MGAM2: variants seen among roughly 807,000 people sequenced by gnomAD.
MGAM2 encodes the protein probable maltase-glucoamylase 2.
A neutral mutation model predicts 96.1 loss-of-function variants in MGAM2; 98 were observed. That is an observed-to-expected ratio of 1.02 (90% CI 0.87 to 1.21). The LOEUF is 1.21. Among genes scored for constraint, MGAM2 ranks in the 50% most tolerant of loss-of-function variants. The pLI, the probability that MGAM2 is intolerant of heterozygous loss-of-function variation, is 0.00. For synonymous variants in MGAM2, 749 were observed against 414.8 expected (o/e 1.81, Z -9.79); for missense variants, 2,055 against 1,182.4 (o/e 1.74, Z -10.82).
chr7:142,172,707 G>T lies in MGAM2; in HGVS notation c.3504G>T (p.Leu1168Phe), dbSNP rs751060323. The T allele has an allele frequency of 1.4e-5, 10 of 704,674 alleles. No homozygotes were observed. Among genetic ancestry groups the T allele is most frequent in the Middle Eastern group, 2.3e-4 (1 of 4,390 alleles). 43.7% of individuals were successfully genotyped at this position (704,674 alleles called of 1,614,324 possible). Residue 1168 changes from leucine to phenylalanine, a missense_variant, in exon 30 of 48, where the codon TTG (leucine) becomes TTT (phenylalanine). Physicochemically the swap from Leu to Phe is conservative, Grantham distance 22. Coordinates refer to ENST00000477922, the MANE Select transcript of MGAM2 (RefSeq NM_001293626.2). Reference sequence around the variant, plus strand: ...CATACCGCACCACAGGAGGGATTTTGGACTTCTACATTGTTTTGGGGCCAA... The same window carrying T: ...CATACCGCACCACAGGAGGGATTTTTGACTTCTACATTGTTTTGGGGCCAA... ...ALTYRTTGGI[L>F]DFYIVLGPTP... is the part of the protein sequence containing the mutation.
intron 20 of MGAM2, among the ~76,000 whole-genome samples, chr7:142,159,604 A>G (rs947257166): frequency 2.0e-5 from 3 of 152,170 alleles, no homozygotes; most frequent in Admixed American, 2.0e-4. Context: ...GTGCTGGCAG[A>G]TTCCGTGTCT....
chr7:142,128,378 A>C (rs1794785930), intron 3 of MGAM2, among the ~76,000 whole-genome samples: 1 of 152,260 alleles, frequency 6.6e-6, no homozygotes, highest in South Asian at 2.1e-4. Context: ...TTTTCTGAGG[A>C]GAAATTCAAG....
In MGAM2 at chr7:142,143,824, G is replaced by A; in HGVS notation, c.1373G>A (p.Trp458Ter). 1 of 702,710 alleles carries A rather than the reference G, an allele frequency of 1.4e-6. No individual in the cohort carries two copies. Among genetic ancestry groups the A allele is most frequent in the Non-Finnish European group, 2.6e-6 (1 of 384,810 alleles). 43.5% of individuals were successfully genotyped at this position (702,710 alleles called of 1,614,324 possible). A position where few individuals can be genotyped will look rare whatever the true frequency, so the allele number is the denominator to read the frequency against. Reference protein sequence around the residue: ...PDYTNPVCTEWWTDQVAKFHD... With the variant: ...PDYTNPVCTE ...TATACCAATCCAGTATGCACTGAGTGGTGGACAGATCAGGTCGCTAAATTT... is the reference window on the plus strand; with the variant it reads ...TATACCAATCCAGTATGCACTGAGTAGTGGACAGATCAGGTCGCTAAATTT... The change falls in exon 13 of 48, where the codon TGG (tryptophan) becomes TAG (stop). Residue 458 changes from tryptophan to a stop codon, truncating the protein, a stop_gained. Coordinates refer to ENST00000477922, the MANE Select transcript of MGAM2 (RefSeq NM_001293626.2). LOFTEE classifies it high-confidence loss of function.
intron 14 of MGAM2, 73 bp from the exon 15 acceptor site, chr7:142,147,383 A>G (rs1795417889): frequency 1.6e-6 from 1 of 643,616 alleles, no homozygotes; most frequent in African/African-American, 1.8e-5. Context: ...AATCAGGAAG[A>G]AAATAGTTGG....
chr7:142,186,002 A>ACTTCTTT lies in MGAM2; in HGVS notation c.4002_4003insTTCTTTC (p.Val1335PhefsTer7). On this transcript the variant is annotated frameshift_variant, in exon 35 of 48. Coordinates refer to ENST00000477922, the MANE Select transcript of MGAM2 (RefSeq NM_001293626.2). LOFTEE classifies it high-confidence loss of function. Reference sequence around the variant, plus strand: ...TTATTCTTACAGCTTTACAGGGCCTACGTTGCCTTTCCTGACTTCTTTCGT... The same window carrying ACTTCTTT: ...TTATTCTTACAGCTTTACAGGGCCTACTTCTTTCGTTGCCTTTCCTGACTTCTTTCGT... The ACTTCTTT allele has an allele frequency of 1.4e-6, 1 of 703,474 alleles. No individual in the cohort carries two copies. The highest frequency in any genetic ancestry group is 2.6e-6 in the Non-Finnish European group (1 of 385,032). The allele number at this position is 703,474 out of a possible 1,614,324, so 43.6% of individuals were successfully genotyped here. A position where few individuals can be genotyped will look rare whatever the true frequency, so the allele number is the denominator to read the frequency against.
Position 142,201,071 on chromosome 7 carries a change from C to CTTTTTTTTTTTTTTTTTT in MGAM2, c.5137+1113_5137+1114insTTTTTTTTTTTTTTTTTT, listed in dbSNP as rs72092512. ...CATTGTTATAAATAACATCCTTTTT[C>CTTTTTTTTTTTTTTTTTT]TTTTTTTTTTCTTTTTTTTTTTTTT... is the stretch of plus-strand genomic sequence containing the variant. On this transcript the variant is annotated intron_variant, in intron 45 of 47. Coordinates refer to ENST00000477922, the MANE Select transcript of MGAM2 (RefSeq NM_001293626.2). 5.9e-5 allele frequency among the ~76,000 whole-genome samples: 5 copies of CTTTTTTTTTTTTTTTTTT among 84,364 alleles called. 1 individual carries two copies. Among genetic ancestry groups the CTTTTTTTTTTTTTTTTTT allele is most frequent in the Admixed American group, 3.3e-4 (2 of 5,996 alleles). The allele number at this position is 84,364 out of a possible 152,430, so 55.3% of individuals were successfully genotyped here.
chr7:142,151,555 A>G (rs1795579057), intron 15 of MGAM2, among the ~76,000 whole-genome samples: 1 of 152,176 alleles, frequency 6.6e-6, no homozygotes, highest in Non-Finnish European at 1.5e-5. Flanking sequence ...CTGTTCTGAT[A>G]TAGTTTTATT....
chr7:142,134,501 A>G lies in MGAM2; in HGVS notation c.747+349A>G, dbSNP rs1794996679. Among the ~76,000 whole-genome samples, 4 of 152,310 alleles carry G rather than the reference A, an allele frequency of 2.6e-5. No homozygotes were observed. The South Asian group carries it at 8.3e-4, about 32-fold the overall frequency. On this transcript the variant is annotated intron_variant, in intron 7 of 47. Coordinates refer to ENST00000477922, the MANE Select transcript of MGAM2 (RefSeq NM_001293626.2). ...GAAAGGAAGGCTTCAGTAGGAGCCA[A>G]GCTCAGTAGAACTTGGTGGACTAAA...
chr7:142,172,427 TG>T (rs58787086), intron 29 of MGAM2, among the ~76,000 whole-genome samples: 39,991 of 152,046 alleles, frequency 0.26, 5,371 homozygotes, highest in East Asian at 0.35. Flanking sequence ...TATTTTACTG[TG>T]ACACTTTGGC....
chr7:142,169,304 T>G (rs1796122114), intron 26 of MGAM2, among the ~76,000 whole-genome samples: 1 of 151,928 alleles, frequency 6.6e-6, no homozygotes, highest in Non-Finnish European at 1.5e-5. Context: ...CACCTGTAGT[T>G]CTAGCTACTC....
chr7:142,131,134 A>G (rs1794874103), intron 4 of MGAM2, 63 bp downstream of exon 4: 3 of 677,400 alleles, frequency 4.4e-6, no homozygotes, highest in Non-Finnish European at 8.1e-6. Flanking sequence ...CGTTAACTGC[A>G]AAATAAAATA....
chr7:142,157,925 A>G lies in MGAM2; in HGVS notation c.1924-12A>G, dbSNP rs77976816. ...AAAGAAATATTCAGCCATTCCTTCCATTTTCTCCTAGGACCAGGATCCCGC... is the reference window on the plus strand; with the variant it reads ...AAAGAAATATTCAGCCATTCCTTCCGTTTTCTCCTAGGACCAGGATCCCGC... On this transcript the variant is annotated splice_polypyrimidine_tract_variant and intron_variant, in intron 17 of 47. Coordinates refer to ENST00000477922, the MANE Select transcript of MGAM2 (RefSeq NM_001293626.2). 1.5e-3 allele frequency: 1,019 copies of G among 702,228 alleles called. 17 individuals carry two copies. In the South Asian group the frequency reaches 0.015, roughly 10 times the overall value. The allele number at this position is 702,228 out of a possible 1,614,324, so 43.5% of individuals were successfully genotyped here. A position where few individuals can be genotyped will look rare whatever the true frequency, so the allele number is the denominator to read the frequency against.
chr7:142,206,312 A>G (rs1173807809), intron 45 of MGAM2, among the ~76,000 whole-genome samples: 2 of 152,160 alleles, frequency 1.3e-5, no homozygotes, highest in Non-Finnish European at 2.9e-5. Context: ...GGGCTAAATA[A>G]TTATTTTGTG....
Position 142,221,524 on chromosome 7 carries a change from C to A in MGAM2, c.7013C>A (p.Ala2338Glu). The A allele has an allele frequency of 1.8e-6, 1 of 543,644 alleles. No individual in the cohort carries two copies. The highest frequency in any genetic ancestry group is 3.2e-6 in the Non-Finnish European group (1 of 310,272). The allele number at this position is 543,644 out of a possible 1,614,324, so 33.7% of individuals were successfully genotyped here. A position where few individuals can be genotyped will look rare whatever the true frequency, so the allele number is the denominator to read the frequency against. Residue 2338 changes from alanine to glutamate, a missense_variant, in exon 48 of 48, where the codon GCA becomes GAA. By Grantham distance (107) the Ala-to-Glu change is moderately radical. Transcript: ENST00000477922. ...KITNFTTPTN[A>E]NTIIFNTLDT... is the part of the protein sequence containing the mutation. Reference sequence around the variant, plus strand: ...ACTAATTTTACTACCCCTACAAATGCAAACACCATTATTTTCAACACTCTT... The same window carrying A: ...ACTAATTTTACTACCCCTACAAATGAAAACACCATTATTTTCAACACTCTT...
rs182474071 is a variant in MGAM2 at position 142,198,932 on chromosome 7, G to T, written c.5048+193G>T. 1.3e-4 allele frequency among the ~76,000 whole-genome samples: 20 copies of T among 152,292 alleles called. No individual in the cohort carries two copies. In the East Asian group the frequency reaches 3.9e-3, roughly 29 times the overall value. On this transcript the variant is annotated intron_variant, in intron 44 of 47. Coordinates refer to ENST00000477922, the MANE Select transcript of MGAM2 (RefSeq NM_001293626.2). ...ATGAGTTCATAAAGTTAGTCTTAGG[G>T]ATATATATACACACATATATTTTTG...
intron 7 of MGAM2, among the ~76,000 whole-genome samples, chr7:142,135,574 A>G (rs1038984702): frequency 6.6e-6 from 1 of 151,922 alleles, no homozygotes; most frequent in African/African-American, 2.4e-5. Context: ...AATTATGTTG[A>G]TTCTTTCTTT....
chr7:142,167,599 A>C, intron 26 of MGAM2, 113 bp downstream of exon 26: 1 of 637,808 alleles, frequency 1.6e-6, no homozygotes, highest in Non-Finnish European at 2.8e-6. Flanking sequence ...TCAAGACAGG[A>C]TCTCCCACTG....
intron 23 of MGAM2, among the ~76,000 whole-genome samples, chr7:142,163,825 A>G (rs549472951): frequency 6.6e-6 from 1 of 151,800 alleles, no homozygotes; most frequent in Non-Finnish European, 1.5e-5. Flanking sequence ...TTTAATTTGT[A>G]TTTCTCTGAT....
chr7:142,211,110 A>G (rs1184028741), intron 46 of MGAM2, among the ~76,000 whole-genome samples: 1 of 152,218 alleles, frequency 6.6e-6, no homozygotes, highest in Non-Finnish European at 1.5e-5. Context: ...TGACTATTAG[A>G]AGGAAAACTA....
Sources: allele counts gnomAD v4.1 joint callset (sites outside exome capture counted in the v4.1 genomes callset), GRCh38; gene constraint gnomAD v4.1.1; transcripts MANE v1.5; gene names NCBI Gene and HGNC (gene_info 2026-07-23, HGNC 2026-07-21).